Variants in CACNA1D observed in about 807,000 individuals in gnomAD.
The protein encoded by CACNA1D is calcium voltage-gated channel subunit alpha1 D.
A neutral mutation model predicts 257.1 loss-of-function variants in CACNA1D; 55 were observed. That is an observed-to-expected ratio of 0.21 (90% confidence interval 0.17 to 0.27). The LOEUF is 0.27. Among genes scored for constraint, CACNA1D ranks in the 10% least tolerant of loss-of-function variants. The pLI is 1.00. For synonymous variants in CACNA1D, 980 were observed against 1,014.9 expected (o/e 0.97, Z 0.65); for missense variants, 1,876 against 2,784.0 (o/e 0.67, Z 7.34).
chr3:53,747,241 T>G, intron 25 of CACNA1D, 61 bp from the exon 26 acceptor site: 1 of 1,509,700 alleles, frequency 6.6e-7, no homozygotes, highest in Non-Finnish European at 9.2e-7. Flanking sequence ...GTGTCCAACT[T>G]TACGCTGCTT....
At chr3:53,684,614 A>C (rs2094458489) in intron 8 of CACNA1D, among the ~76,000 whole-genome samples, 1 of 129,442 alleles carries the variant, frequency 7.7e-6, no homozygotes. Context: ...CAAGAGTGAA[A>C]CTCTGTCAAA....
intron 30 of CACNA1D, among the ~76,000 whole-genome samples, chr3:53,766,936 G>A (rs1407424977): frequency 1.3e-5 from 2 of 152,228 alleles, no homozygotes; most frequent in Non-Finnish European, 2.9e-5. Flanking sequence ...CTCTAGGGGT[G>A]TCCAGCATAG....
chr3:53,784,238 T>G (rs1280308679), intron 39 of CACNA1D, among the ~76,000 whole-genome samples: 1 of 152,190 alleles, frequency 6.6e-6, no homozygotes, highest in Non-Finnish European at 1.5e-5. Context: ...TGCCATCTTG[T>G]GGGTCCTTTC....
At position 53,735,476 on chromosome 3, in the gene CACNA1D, C is replaced by G; in HGVS notation, c.2724C>G (p.Pro908=). Residue 908 remains proline (P), a synonymous_variant, in exon 20 of 48, where the codon CCC becomes CCG. Coordinates refer to ENST00000350061, the MANE Select transcript of CACNA1D (RefSeq NM_001128840.3). Reference sequence around the variant, plus strand: ...GCGCTGCCCTGGCCGCAGAGGACCCCATCCGCAGCCACTCCTTCCGGAACA... The same window carrying G: ...GCGCTGCCCTGGCCGCAGAGGACCCGATCCGCAGCCACTCCTTCCGGAACA... The part of the protein sequence containing the change: ...LSSAALAAED[P]IRSHSFRNTI... The G allele has an allele frequency of 6.2e-7, 1 of 1,613,918 alleles. No individual in the cohort carries two copies. The highest frequency in any genetic ancestry group is 8.5e-7 in the Non-Finnish European group (1 of 1,179,866).
chr3:53,753,861 G>A (rs1398251603), intron 29 of CACNA1D, among the ~76,000 whole-genome samples, 179 bp downstream of exon 29: 8 of 152,206 alleles, frequency 5.3e-5, no homozygotes, highest in Admixed American at 2.0e-4. Flanking sequence ...AAATGAATCT[G>A]CAAGAACAAA....
chr3:53,745,751 G>C lies in CACNA1D; in HGVS notation c.3114+20G>C. The C allele has an allele frequency of 6.2e-7, 1 of 1,601,964 alleles. No individual in the cohort carries two copies. Among genetic ancestry groups the C allele is most frequent in the African/African-American group, 1.3e-5 (1 of 74,800 alleles). On this transcript the variant is annotated intron_variant, in intron 24 of 47. Transcript: ENST00000350061. ...TTCAAGGTAGAGGAACTGCCTCCAAGCATAAAACTCAGGTGGATTTCTTTA... is the reference window on the plus strand; with the variant it reads ...TTCAAGGTAGAGGAACTGCCTCCAACCATAAAACTCAGGTGGATTTCTTTA...
chr3:53,692,779 T>A (rs1190596620), intron 8 of CACNA1D, among the ~76,000 whole-genome samples: 1 of 152,224 alleles, frequency 6.6e-6, no homozygotes, highest in Non-Finnish European at 1.5e-5. Context: ...CAACCCTGGC[T>A]GGGCACAGTG....
chr3:53,716,512 T>C (rs2094819728), intron 9 of CACNA1D, among the ~76,000 whole-genome samples: 1 of 152,074 alleles, frequency 6.6e-6, no homozygotes, highest in East Asian at 1.9e-4. Flanking sequence ...TGTGTCTGTG[T>C]GTGTTAATGG....
chr3:53,758,011 A>G (rs1299990020), intron 29 of CACNA1D, among the ~76,000 whole-genome samples: 6 of 152,142 alleles, frequency 3.9e-5, no homozygotes, highest in Non-Finnish European at 8.8e-5. Context: ...GGTACCTCAC[A>G]TGATGCCTGG....
At chr3:53,613,180 C>T (rs191448651) in intron 3 of CACNA1D, among the ~76,000 whole-genome samples, 1 of 152,184 alleles carries the variant, frequency 6.6e-6, no homozygotes, top group African/African-American at 2.4e-5. Flanking sequence ...AAATTAAATT[C>T]TCTATAATGT....
At position 53,813,522 on chromosome 3, in the gene CACNA1D, G is replaced by C. The variant is rs893690111; in HGVS notation, c.*2116G>C. On this transcript the variant is annotated 3_prime_UTR_variant, in exon 48 of 48. Coordinates refer to ENST00000350061, the MANE Select transcript of CACNA1D (RefSeq NM_001128840.3). The stretch of plus-strand genomic sequence containing the variant: ...GCTACACCACTGTCAACATTATCCT[G>C]GACTCTGTGTCTCTCTCTGTTGGGT... 9 of 152,192 alleles carry C rather than the reference G, an allele frequency of 5.9e-5. No individual in the cohort carries two copies. The highest frequency in any genetic ancestry group is 2.2e-4 in the African/African-American group (9 of 41,438). The allele number at this position is 152,192 out of a possible 1,614,324, so 9.4% of individuals were successfully genotyped here. A position where few individuals can be genotyped will look rare whatever the true frequency, so the allele number is the denominator to read the frequency against.
Position 53,786,874 on chromosome 3 carries a change from C to T in CACNA1D, c.4845C>T (p.Tyr1615=). 6.2e-7 allele frequency: 1 copy of T among 1,613,362 alleles called. No individual in the cohort carries two copies. ...KFYATFLIQD[Y]FRKFKKRKEQ... ...ATGCCACTTTCCTGATACAGGACTA[C>T]TTTAGGAAATTCAAGAAACGGAAAG... The change falls in exon 40 of 48, where the codon TAC becomes TAT. Residue 1615 remains tyrosine (Y), a synonymous_variant. Transcript: ENST00000350061.
chr3:53,544,755 G>T (rs2092375582), intron 3 of CACNA1D, among the ~76,000 whole-genome samples: 1 of 152,204 alleles, frequency 6.6e-6, no homozygotes, highest in South Asian at 2.1e-4. Flanking sequence ...GATGGTTTGA[G>T]GGTAGTGGGG....
intron 15 of CACNA1D, among the ~76,000 whole-genome samples, chr3:53,728,723 G>A (rs1043004646): frequency 1.3e-5 from 2 of 152,160 alleles, no homozygotes; most frequent in African/African-American, 4.8e-5. Context: ...CTGTATCAGA[G>A]GTGCTTAGGG....
At chr3:53,669,852 GTGTT>G (rs2094305670) in intron 7 of CACNA1D, among the ~76,000 whole-genome samples, 1 of 152,218 alleles carries the variant, frequency 6.6e-6, no homozygotes, top group African/African-American at 2.4e-5. Flanking sequence ...CAGGGAAAGA[GTGTT>G]TATTTAGCCT....
chr3:53,603,010 G>A lies in CACNA1D; in HGVS notation c.484-47769G>A, dbSNP rs185015931. 1.4e-4 allele frequency among the ~76,000 whole-genome samples: 21 copies of A among 152,310 alleles called. No individual in the cohort carries two copies. In the East Asian group the frequency reaches 3.5e-3, roughly 25 times the overall value. On this transcript the variant is annotated intron_variant, in intron 3 of 47. Coordinates refer to ENST00000350061, the MANE Select transcript of CACNA1D (RefSeq NM_001128840.3). ...CTCTTGGAGAGTGAGATGCAGTTGC[G>A]TCACAGGATGTTGTCATATGCTGGG...
chr3:53,727,457 T>C (rs1285633663), intron 15 of CACNA1D, among the ~76,000 whole-genome samples: 1 of 152,222 alleles, frequency 6.6e-6, no homozygotes, highest in East Asian at 1.9e-4. Context: ...CTAATTTCAC[T>C]TTGCTGATCT....
At chr3:53,519,273 C>T (rs2091461859) in intron 3 of CACNA1D, among the ~76,000 whole-genome samples, 1 of 152,176 alleles carries the variant, frequency 6.6e-6, no homozygotes, top group Admixed American at 6.5e-5. Context: ...CTTCACTTGC[C>T]AGCAGGGCGT....
Position 53,495,935 on chromosome 3 carries a change from C to A in CACNA1D, c.67+702C>A, listed in dbSNP as rs530805997. The stretch of plus-strand genomic sequence containing the variant: ...GGGGCTGGGTCGAGGGAGGATGGAG[C>A]AGCTCCTGGCCAGCCCTCCCCTTTG... On this transcript the variant is annotated intron_variant, in intron 1 of 47. Transcript: ENST00000350061. The surrounding 1 kb of genome is among the most constrained non-coding windows in gnomAD (Gnocchi z 5.1). Among the ~76,000 whole-genome samples the A allele has an allele frequency of 3.3e-5, 5 of 152,352 alleles. No individual in the cohort carries two copies. The South Asian group carries it at 8.3e-4, about 25-fold the overall frequency.
Sources: gnomAD v4.1 joint callset for allele counts (sites outside exome capture counted in the v4.1 genomes callset) on GRCh38, gnomAD v4.1.1 for gene constraint, Gnocchi (gnomAD v3.1) non-coding constraint, MANE v1.5 for transcripts, NCBI Gene and HGNC (gene_info 2026-07-23, HGNC 2026-07-21) for gene names.